YLPM1: variants seen among roughly 807,000 people sequenced by gnomAD.
YLPM1 encodes YLP motif-containing protein 1.
YLPM1 carries 99 observed loss-of-function variants against 230.0 expected under a neutral mutation model. That is an observed-to-expected ratio of 0.43 (90% CI 0.37 to 0.51). YLPM1 has a LOEUF of 0.51. Among genes scored for constraint, YLPM1 ranks in the 20% least tolerant of loss-of-function variants. YLPM1 has a pLI of 0.00. For missense variants in YLPM1, 2,592 were observed against 2,707.7 expected (o/e 0.96, Z 0.95); for synonymous variants, 984 against 942.5 (o/e 1.04, Z -0.81).
chr14:74,818,323 C>T lies in YLPM1; in HGVS notation c.6030+9C>T. The T allele has an allele frequency of 1.3e-6, 2 of 1,584,450 alleles. No individual in the cohort carries two copies. Among genetic ancestry groups the T allele is most frequent in the Non-Finnish European group, 1.7e-6 (2 of 1,165,222 alleles). On this transcript the variant is annotated intron_variant, in intron 16 of 20. Transcript: ENST00000325680. The stretch of plus-strand genomic sequence containing the variant: ...ATGCTGCTATTGAAGAGGTGAGTAT[C>T]CTTTGGTTCAAATGCAATGCAAAGT...
chr14:74,764,909 C>G (rs189556745), intron 1 of YLPM1, among the ~76,000 whole-genome samples: 7 of 152,290 alleles, frequency 4.6e-5, no homozygotes, highest in Admixed American at 3.9e-4. Flanking sequence ...CCTAATTATG[C>G]TTATAGGTAC....
chr14:74,804,773 C>T (rs1178310973), intron 6 of YLPM1, among the ~76,000 whole-genome samples: 2 of 152,160 alleles, frequency 1.3e-5, no homozygotes, highest in African/African-American at 4.8e-5. Flanking sequence ...CTATATCTTT[C>T]ATCTTTGTGT....
At chr14:74,807,738 T>C (rs2091393653) in intron 6 of YLPM1, among the ~76,000 whole-genome samples, 1 of 152,224 alleles carries the variant, frequency 6.6e-6, no homozygotes, top group Non-Finnish European at 1.5e-5. Context: ...AGTACTCATG[T>C]TCTCTGTTGG....
At chr14:74,793,584 A>G (rs1237493177) in intron 4 of YLPM1, among the ~76,000 whole-genome samples, 1 of 152,006 alleles carries the variant, frequency 6.6e-6, no homozygotes, top group Non-Finnish European at 1.5e-5. Context: ...TTCAGATCCT[A>G]TTTATTTATC....
Position 74,811,602 on chromosome 14 carries a change from T to A in YLPM1, c.5229-18T>A. On this transcript the variant is annotated intron_variant, in intron 9 of 20. Transcript: ENST00000325680. ...AATATTTTTTATTTGCTGAAGCGCT[T>A]CCTATTACACCTTCTAGAGCTCAGT... 6.3e-7 allele frequency: 1 copy of A among 1,583,484 alleles called. No homozygotes were observed. Among genetic ancestry groups the A allele is most frequent in the Non-Finnish European group, 8.6e-7 (1 of 1,161,512 alleles).
intron 17 of YLPM1, among the ~76,000 whole-genome samples, chr14:74,822,324 C>T (rs1055132788): frequency 1.3e-5 from 2 of 152,074 alleles, no homozygotes; most frequent in Admixed American, 6.6e-5. Context: ...TCTGAAGCTC[C>T]GTCTTTCTTT....
chr14:74,797,032 C>T (rs565595303), intron 4 of YLPM1, among the ~76,000 whole-genome samples: 82 of 130,180 alleles, frequency 6.3e-4, no homozygotes, highest in African/African-American at 2.1e-3. Context: ...AGTGCAATAG[C>T]GTGATCTCAG....
At chr14:74,796,670 A>G (rs563107660) in intron 4 of YLPM1, among the ~76,000 whole-genome samples, 1 of 152,168 alleles carries the variant, frequency 6.6e-6, no homozygotes, top group African/African-American at 2.4e-5. Flanking sequence ...TTACTGGATG[A>G]GCAAGTGGGT....
intron 11 of YLPM1, among the ~76,000 whole-genome samples, chr14:74,815,292 T>A (rs1449882744): frequency 6.6e-6 from 1 of 152,204 alleles, no homozygotes; most frequent in Non-Finnish European, 1.5e-5. Flanking sequence ...TCAGGCGTGG[T>A]GGCTCATGCC....
In YLPM1 at chr14:74,778,548, T is replaced by C; in HGVS notation, c.975T>C (p.Asp325=). 5 of 1,607,500 alleles carry C rather than the reference T, an allele frequency of 3.1e-6. No individual in the cohort carries two copies. The highest frequency in any genetic ancestry group is 4.2e-6 in the Non-Finnish European group (5 of 1,177,054). The change falls in exon 2 of 21, where the codon GAT becomes GAC. Residue 325 remains aspartate (D), a synonymous_variant. Coordinates refer to ENST00000325680, the MANE Select transcript of YLPM1 (RefSeq NM_019589.3). ...GHKKGPVVAK[D]TPEPVKEEVT... is the part of the protein sequence containing the mutation. ...AAAAGGGTCCTGTGGTAGCAAAGGA[T>C]ACACCAGAGCCGGTAAAAGAAGAAG...
chr14:74,763,349 G>A lies in YLPM1; in HGVS notation c.-141G>A, dbSNP rs539626360. 1.9e-6 allele frequency: 2 copies of A among 1,059,050 alleles called. No individual in the cohort carries two copies. Among genetic ancestry groups the A allele is most frequent in the African/African-American group, 1.6e-5 (1 of 60,636 alleles). 65.6% of individuals were successfully genotyped at this position (1,059,050 alleles called of 1,614,324 possible). ...TCGCGGGCCCAGCTCGGGAGCGCCGGCGCACTGGCGCGCTCCGTTTACACG... is the reference window on the plus strand; with the variant it reads ...TCGCGGGCCCAGCTCGGGAGCGCCGACGCACTGGCGCGCTCCGTTTACACG... On this transcript the variant is annotated 5_prime_UTR_variant, in exon 1 of 21. Coordinates refer to ENST00000325680, the MANE Select transcript of YLPM1 (RefSeq NM_019589.3).
rs575397220 is a variant in YLPM1, at chr14:74,763,360, C to G, written c.-130C>G. 12 of 1,169,320 alleles carry G rather than the reference C, an allele frequency of 1.0e-5. No homozygotes were observed. Among genetic ancestry groups the G allele is most frequent in the African/African-American group, 4.8e-5 (3 of 62,610 alleles). The allele number at this position is 1,169,320 out of a possible 1,614,324, so 72.4% of individuals were successfully genotyped here. A position where few individuals can be genotyped will look rare whatever the true frequency, so the allele number is the denominator to read the frequency against. Reference sequence around the variant, plus strand: ...GCTCGGGAGCGCCGGCGCACTGGCGCGCTCCGTTTACACGCTCCGGGGCCT... The same window carrying G: ...GCTCGGGAGCGCCGGCGCACTGGCGGGCTCCGTTTACACGCTCCGGGGCCT... On this transcript the variant is annotated 5_prime_UTR_variant, in exon 1 of 21. Transcript: ENST00000325680.
intron 12 of YLPM1, 128 bp downstream of exon 12, chr14:74,816,393 C>T (rs983029947): frequency 1.6e-6 from 2 of 1,272,752 alleles, no homozygotes; most frequent in Admixed American, 2.4e-5. Flanking sequence ...TACAGTTGGC[C>T]CATGTGGTAG....
chr14:74,813,838 T>G (rs1357617168), intron 11 of YLPM1, among the ~76,000 whole-genome samples: 3 of 152,188 alleles, frequency 2.0e-5, no homozygotes, highest in Admixed American at 1.3e-4. Flanking sequence ...ACCACTGAAT[T>G]CATTTATTAC....
At chr14:74,765,208 G>C (rs1400087579) in intron 1 of YLPM1, among the ~76,000 whole-genome samples, 3 of 152,092 alleles carry the variant, frequency 2.0e-5, no homozygotes, top group Admixed American at 2.0e-4. Context: ...CCTTGAGAGA[G>C]GGAAGGTCAA....
At chr14:74,831,696 A>C (rs1482626144) in intron 19 of YLPM1, among the ~76,000 whole-genome samples, 3 of 152,082 alleles carry the variant, frequency 2.0e-5, no homozygotes, top group Non-Finnish European at 4.4e-5. Flanking sequence ...TAACTCTTGA[A>C]CCACTCACCA....
chr14:74,803,880 A>G (rs2091352240), intron 6 of YLPM1, among the ~76,000 whole-genome samples: 1 of 152,136 alleles, frequency 6.6e-6, no homozygotes, highest in Admixed American at 6.5e-5. Flanking sequence ...ATTCTCGGCC[A>G]GGCGCGGTGG....
intron 4 of YLPM1, among the ~76,000 whole-genome samples, chr14:74,785,684 AAAAC>A (rs543093622): frequency 1.7e-3 from 253 of 152,368 alleles, no homozygotes; most frequent in African/African-American, 5.8e-3. Context: ...GCTGATTAGA[AAAAC>A]AAGAGTTTAG....
At chr14:74,767,442 T>G (rs979309259) in intron 1 of YLPM1, among the ~76,000 whole-genome samples, 3 of 152,180 alleles carry the variant, frequency 2.0e-5, no homozygotes, top group Non-Finnish European at 1.5e-5. Context: ...CTGAAAAGAT[T>G]CTTAGTATAG....
Sources: allele counts gnomAD v4.1 joint callset (sites outside exome capture counted in the v4.1 genomes callset), GRCh38; gene constraint gnomAD v4.1.1; transcripts MANE v1.5; gene names NCBI Gene and HGNC (gene_info 2026-07-23, HGNC 2026-07-21).